NAV3: variants seen among roughly 807,000 people sequenced by gnomAD.
The protein encoded by NAV3 is pore membrane and/or filament interacting like protein 1.
A neutral mutation model predicts 244.7 loss-of-function variants in NAV3; 87 were observed. That is an observed-to-expected ratio of 0.36 (90% CI 0.30 to 0.42). The LOEUF (loss-of-function observed/expected upper bound fraction) is 0.42, where lower values mean the gene tolerates loss of function less well. Among genes scored for constraint, NAV3 ranks in the 20% least tolerant of loss-of-function variants. NAV3 has a pLI of 1.00. For synonymous variants in NAV3, 1,126 were observed against 1,042.2 expected (o/e 1.08, Z -1.55); for missense variants, 2,663 against 2,893.3 (o/e 0.92, Z 1.83).
At chr12:78,028,538 C>T (rs915467260) in intron 9 of NAV3, among the ~76,000 whole-genome samples, 3 of 152,070 alleles carry the variant, frequency 2.0e-5, no homozygotes, top group Non-Finnish European at 2.9e-5. Context: ...ATGCCAAGGA[C>T]GGAGTAACTG....
chr12:78,109,179 T>C (rs1954958147), intron 12 of NAV3, among the ~76,000 whole-genome samples: 1 of 151,932 alleles, frequency 6.6e-6, no homozygotes, highest in African/African-American at 2.4e-5. Flanking sequence ...AACAACTATA[T>C]GCTGAAAAAT....
At chr12:77,691,355 A>ATATAT in intron 2 of NAV3, among the ~76,000 whole-genome samples, 1 of 137,410 alleles carries the variant, frequency 7.3e-6, no homozygotes, top group African/African-American at 2.7e-5. Context: ...ATATATATAT[A>ATATAT]CATATCCATT....
At chr12:78,200,044 A>G (rs1178339316) in intron 37 of NAV3, among the ~76,000 whole-genome samples, 1 of 152,104 alleles carries the variant, frequency 6.6e-6, no homozygotes, top group Non-Finnish European at 1.5e-5. Context: ...TCTCTTTCAC[A>G]TTGTTATGCA....
intron 23 of NAV3, among the ~76,000 whole-genome samples, chr12:78,166,481 G>GA (rs1380988431): frequency 6.6e-6 from 1 of 151,706 alleles, no homozygotes; most frequent in East Asian, 1.9e-4. Context: ...AAGTTTTAAA[G>GA]AAATAACAGT....
rs1593220380 is a variant in NAV3 at position 77,993,083 on chromosome 12, A to ATC, written c.672-1719_672-1718insCT. ...ACACATGGACCATAAAATGAAATTG[A>ATC]TTTTGGCCAAATCATTCAAACTTTA... is the stretch of plus-strand genomic sequence containing the variant. On this transcript the variant is annotated intron_variant, in intron 5 of 39. Coordinates refer to ENST00000397909, the MANE Select transcript of NAV3 (RefSeq NM_001024383.2). Among the ~76,000 whole-genome samples the ATC allele has an allele frequency of 2.0e-5, 3 of 152,294 alleles. No individual in the cohort carries two copies. The East Asian group carries it at 5.8e-4, about 29-fold the overall frequency.
chr12:78,054,996 T>C (rs1026406808), intron 11 of NAV3, among the ~76,000 whole-genome samples: 1 of 152,094 alleles, frequency 6.6e-6, no homozygotes, highest in African/African-American at 2.4e-5. Flanking sequence ...GAAAAGAATA[T>C]GGAAAGAACA....
Position 77,676,902 on chromosome 12 carries a change from G to A in NAV3, c.72+104636G>A, listed in dbSNP as rs1874233935. 2.0e-5 allele frequency among the ~76,000 whole-genome samples: 3 copies of A among 152,162 alleles called. No individual in the cohort carries two copies. In the South Asian group the frequency reaches 6.2e-4, roughly 32 times the overall value. ...AGGGTAAGGGTGAGGTGTATGAGGA[G>A]GAAGGGGAAGTGAGCACAACATTCT... On this transcript the variant is annotated intron_variant, in intron 2 of 8. Coordinates refer to the NAV3 transcript ENST00000550042.
chr12:77,650,429 T>C (rs1434851846), intron 2 of NAV3, among the ~76,000 whole-genome samples: 4 of 152,122 alleles, frequency 2.6e-5, no homozygotes, highest in Admixed American at 2.6e-4. Context: ...TGATTGCCAC[T>C]TCTCTGCTGT....
intron 2 of NAV3, among the ~76,000 whole-genome samples, chr12:77,759,580 A>C (rs1477306969): frequency 6.6e-6 from 1 of 152,192 alleles, no homozygotes; most frequent in African/African-American, 2.4e-5. Context: ...GTCACTACCA[A>C]AGGTAGCTGA....
In NAV3 at chr12:77,883,632, G is replaced by C. The variant is rs553425970; in HGVS notation, c.243+51928G>C. Among the ~76,000 whole-genome samples the C allele has an allele frequency of 7.2e-5, 11 of 152,196 alleles. No homozygotes were observed. The East Asian group carries it at 2.1e-3, about 29-fold the overall frequency. On this transcript the variant is annotated intron_variant, in intron 1 of 39. Transcript: ENST00000397909. ...AAAGAAAAAGCCATTTTCTTCTAAC[G>C]TATTTACTAAATGAGAGAGAGAAAG...
intron 2 of NAV3, among the ~76,000 whole-genome samples, chr12:77,732,079 T>A (rs1352998095): frequency 6.6e-6 from 1 of 151,978 alleles, no homozygotes; most frequent in Non-Finnish European, 1.5e-5. Context: ...AAACATGTAT[T>A]TGGAATCACT....
chr12:77,664,128 A>C (rs1383175536), intron 2 of NAV3, among the ~76,000 whole-genome samples: 1 of 152,238 alleles, frequency 6.6e-6, no homozygotes, highest in Admixed American at 6.5e-5. Context: ...GAAATTATTC[A>C]GGTTTTGGCA....
intron 2 of NAV3, among the ~76,000 whole-genome samples, chr12:77,685,548 C>A (rs947509096): frequency 2.0e-5 from 3 of 151,004 alleles, no homozygotes; most frequent in African/African-American, 4.9e-5. Context: ...CCATTTATAT[C>A]TTTTTGCTTC....
chr12:77,579,576 C>G (rs1869253190), intron 2 of NAV3, among the ~76,000 whole-genome samples: 1 of 152,144 alleles, frequency 6.6e-6, no homozygotes, highest in Non-Finnish European at 1.5e-5. Context: ...GTGGAGCCCT[C>G]AGTACATAAT....
chr12:77,954,862 TAATA>T (rs1445403968), intron 3 of NAV3, among the ~76,000 whole-genome samples: 1 of 152,224 alleles, frequency 6.6e-6, no homozygotes, highest in Non-Finnish European at 1.5e-5. Context: ...TACTATCTGT[TAATA>T]AATCTATGTA....
intron 1 of NAV3, among the ~76,000 whole-genome samples, chr12:77,917,716 T>C (rs1365051584): frequency 6.6e-6 from 1 of 151,840 alleles, no homozygotes; most frequent in African/African-American, 2.4e-5. Context: ...AAGGCCAGAG[T>C]GTTTCTTTTT....
chr12:78,192,270 G>A (rs902451379), intron 34 of NAV3, among the ~76,000 whole-genome samples: 48 of 152,122 alleles, frequency 3.2e-4, no homozygotes, highest in African/African-American at 1.1e-3. Flanking sequence ...CCATTATTAG[G>A]CCAGTTCAGT....
intron 11 of NAV3, among the ~76,000 whole-genome samples, chr12:78,054,418 T>C (rs1883187706): frequency 6.6e-6 from 1 of 152,190 alleles, no homozygotes; most frequent in East Asian, 1.9e-4. Context: ...AAGTTTAAAC[T>C]ACATTATAAG....
intron 5 of NAV3, among the ~76,000 whole-genome samples, chr12:77,985,177 T>A (rs891832292): frequency 6.6e-6 from 1 of 152,334 alleles, no homozygotes; most frequent in East Asian, 1.9e-4. Flanking sequence ...ATTCTCCGAA[T>A]GAAACAGTAA....
Sources: allele counts gnomAD v4.1 joint callset (sites outside exome capture counted in the v4.1 genomes callset), GRCh38; gene constraint gnomAD v4.1.1; transcripts MANE v1.5; gene names NCBI Gene and HGNC (gene_info 2026-07-23, HGNC 2026-07-21).